The following MEMO1 variants were observed in gnomAD, a reference collection of about 807,000 sequenced individuals.
The protein encoded by MEMO1 is protein MEMO1.
In MEMO1, 6 loss-of-function variants were observed where a neutral mutation model predicts 45.2. That is an observed-to-expected ratio of 0.13 (90% confidence interval 0.07 to 0.26). The LOEUF is 0.26. Among genes scored for constraint, MEMO1 ranks in the 10% least tolerant of loss-of-function variants. The pLI is 1.00. For missense variants in MEMO1, 184 were observed against 370.5 expected (o/e 0.50, Z 4.13); for synonymous variants, 78 against 124.3 (o/e 0.63, Z 2.48).
chr2:31,883,283 T>C (rs1462805911), intron 8 of MEMO1, 103 bp downstream of exon 8: 14 of 826,714 alleles, frequency 1.7e-5, no homozygotes, highest in Non-Finnish European at 1.7e-5. Context: ...CATTTAAAGA[T>C]AGGGAAAAAA....
At chr2:31,984,056 TCTTC>T (rs1408750154) in intron 2 of MEMO1, among the ~76,000 whole-genome samples, 1 of 152,166 alleles carries the variant, frequency 6.6e-6, no homozygotes. Context: ...CAGAGACAAA[TCTTC>T]CTTAGAGAAG....
At chr2:31,886,663 C>T (rs1676239326) in intron 7 of MEMO1, among the ~76,000 whole-genome samples, 1 of 152,074 alleles carries the variant, frequency 6.6e-6, no homozygotes, top group Non-Finnish European at 1.5e-5. Flanking sequence ...GTGTTTCTGA[C>T]ATTCAGTAAA....
At chr2:31,903,200 T>C (rs996546447) in intron 6 of MEMO1, among the ~76,000 whole-genome samples, 4 of 152,182 alleles carry the variant, frequency 2.6e-5, no homozygotes, top group Non-Finnish European at 5.9e-5. Context: ...CAAATTTTCC[T>C]TCCTATACAA....
At chr2:31,967,673 G>A (rs1345151903) in intron 2 of MEMO1, among the ~76,000 whole-genome samples, 1 of 151,572 alleles carries the variant, frequency 6.6e-6, no homozygotes, top group African/African-American at 2.4e-5. Flanking sequence ...CAAACTCCTG[G>A]GCTCAAGTGA....
intron 2 of MEMO1, among the ~76,000 whole-genome samples, chr2:31,969,293 A>G (rs1462280751): frequency 6.6e-6 from 1 of 151,174 alleles, no homozygotes; most frequent in Non-Finnish European, 1.5e-5. Context: ...TGCTTTATAC[A>G]TAATATATAT....
chr2:31,995,431 G>A (rs971531347), intron 2 of MEMO1, among the ~76,000 whole-genome samples: 1 of 152,100 alleles, frequency 6.6e-6, no homozygotes, highest in African/African-American at 2.4e-5. Flanking sequence ...TCCAGCCTGG[G>A]CAATAGAGTG....
intron 8 of MEMO1, among the ~76,000 whole-genome samples, chr2:31,873,059 G>A (rs1321295829): frequency 6.6e-6 from 1 of 152,116 alleles, no homozygotes; most frequent in Non-Finnish European, 1.5e-5. Context: ...GTTGGCAAAA[G>A]TCCAAGAAGA....
At chr2:31,967,466 T>C (rs896998274) in intron 2 of MEMO1, among the ~76,000 whole-genome samples, 3 of 151,850 alleles carry the variant, frequency 2.0e-5, no homozygotes, top group African/African-American at 7.3e-5. Flanking sequence ...ATTTTTTCTT[T>C]GAGACAGGGT....
chr2:31,951,518 T>G (rs76260389), intron 2 of MEMO1, among the ~76,000 whole-genome samples: 9 of 106,956 alleles, frequency 8.4e-5, no homozygotes, highest in East Asian at 5.0e-4. Context: ...CACTTAATGG[T>G]TTTTTTTTTT....
intron 6 of MEMO1, among the ~76,000 whole-genome samples, chr2:31,893,709 C>G (rs1677291437): frequency 6.6e-6 from 1 of 152,150 alleles, no homozygotes; most frequent in African/African-American, 2.4e-5. Context: ...ACAATACTTA[C>G]TTCATAAAAT....
Position 31,961,508 on chromosome 2 carries a change from A to T in MEMO1, c.62-18125T>A, listed in dbSNP as rs191207155. Among the ~76,000 whole-genome samples the T allele has an allele frequency of 3.1e-3, 469 of 152,140 alleles. 2 individuals are homozygous for T. The highest frequency in any genetic ancestry group is 0.011 in the African/African-American group (443 of 41,500). ...CCAGCCATGGTGGCTCACGCCTATA[A>T]TCCCAGCACTTTGGGAGGCCTAGGC... On this transcript the variant is annotated intron_variant, in intron 2 of 9. Transcript: ENST00000404530.
At chr2:32,010,680 C>T (rs1252836969) in intron 1 of MEMO1, 1 of 149,216 alleles carries the variant, frequency 6.7e-6, no homozygotes, top group Non-Finnish European at 1.5e-5. Flanking sequence ...GCCCCCGCCC[C>T]CCACCCCCCG....
intron 2 of MEMO1, among the ~76,000 whole-genome samples, chr2:32,007,831 T>G (rs1345500415): frequency 6.6e-6 from 1 of 152,234 alleles, no homozygotes; most frequent in East Asian, 1.9e-4. Context: ...AGTCGAAGTT[T>G]ACTTATCTGT....
chr2:31,891,697 G>C (rs1558480911), intron 7 of MEMO1, among the ~76,000 whole-genome samples: 1 of 152,106 alleles, frequency 6.6e-6, no homozygotes. Context: ...CACCTACTTG[G>C]AAATGAGGTT....
chr2:32,005,100 G>T (rs1006515804), intron 2 of MEMO1, among the ~76,000 whole-genome samples: 2 of 151,942 alleles, frequency 1.3e-5, no homozygotes, highest in African/African-American at 4.8e-5. Flanking sequence ...GAATTGTCAC[G>T]CAACAGAATG....
chr2:31,868,989 A>C (rs1054344869), intron 9 of MEMO1, among the ~76,000 whole-genome samples: 1 of 152,332 alleles, frequency 6.6e-6, no homozygotes, highest in African/African-American at 2.4e-5. Context: ...TTCAGATTTT[A>C]GGAAATTAGT....
chr2:31,918,889 G>A (rs996010396), intron 5 of MEMO1, among the ~76,000 whole-genome samples: 1 of 151,832 alleles, frequency 6.6e-6, no homozygotes, highest in African/African-American at 2.4e-5. Context: ...TTCTTCACTG[G>A]CAAGCTACCC....
intron 3 of MEMO1, among the ~76,000 whole-genome samples, chr2:31,937,551 T>C (rs1023979705): frequency 6.6e-6 from 1 of 152,176 alleles, no homozygotes; most frequent in African/African-American, 2.4e-5. Flanking sequence ...ATATACAAAC[T>C]TGTCTTCTAT....
intron 2 of MEMO1, among the ~76,000 whole-genome samples, chr2:31,957,097 G>A (rs1177117806): frequency 6.7e-6 from 1 of 149,852 alleles, no homozygotes; most frequent in Non-Finnish European, 1.5e-5. Flanking sequence ...AAATGAAATC[G>A]TGCCATTGCA....
Sources: allele counts gnomAD v4.1 joint callset (sites outside exome capture counted in the v4.1 genomes callset), GRCh38; gene constraint gnomAD v4.1.1; transcripts MANE v1.5; gene names NCBI Gene and HGNC (gene_info 2026-07-23, HGNC 2026-07-21).